Variants in CLPTM1 observed in about 807,000 individuals in gnomAD.
CLPTM1 encodes the protein CLPTM1 regulator of GABA type A receptor forward trafficking.
A neutral mutation model predicts 77.3 loss-of-function variants in CLPTM1; 21 were observed. The ratio of observed to expected loss-of-function variants is 0.27; its 90% CI spans 0.19 to 0.39. CLPTM1 has a LOEUF of 0.39. Among genes scored for constraint, CLPTM1 ranks in the 10% least tolerant of loss-of-function variants. CLPTM1 has a pLI of 1.00. For missense variants in CLPTM1, 642 were observed against 921.2 expected (o/e 0.70, Z 3.92); for synonymous variants, 373 against 381.0 (o/e 0.98, Z 0.24).
upstream of CLPTM1, chr19:44,955,022 G>C (rs1970435135): frequency 2.0e-6 from 3 of 1,535,728 alleles, no homozygotes; most frequent in Non-Finnish European, 2.6e-6. Context: ...GGAACGAAAA[G>C]GACGCGAAGA....
intron 4 of CLPTM1, among the ~76,000 whole-genome samples, chr19:44,976,511 G>A (rs1312126720): frequency 6.6e-6 from 1 of 152,214 alleles, no homozygotes; most frequent in Non-Finnish European, 1.5e-5. Flanking sequence ...AAGATAGGGA[G>A]AGTGAGGAGA....
intron 2 of CLPTM1, among the ~76,000 whole-genome samples, chr19:44,966,507 AGTT>A (rs1358393443): frequency 6.6e-6 from 1 of 152,164 alleles, no homozygotes; most frequent in Non-Finnish European, 1.5e-5. Context: ...TCACAGATAG[AGTT>A]GTTTAAAATA....
chr19:44,993,326 GT>G lies in CLPTM1; in HGVS notation c.*432del, dbSNP rs1971117383. Reference sequence around the variant, plus strand: ...CTGGATTTAATAAATTCATATGGGTGTTTAACTTAAACTCAGCACTGCCCCT... The same window carrying G: ...CTGGATTTAATAAATTCATATGGGTGTTAACTTAAACTCAGCACTGCCCCT... On this transcript the variant is annotated 3_prime_UTR_variant, in exon 14 of 14. Transcript: ENST00000337392. 2.7e-6 allele frequency: 1 copy of G among 372,732 alleles called. No homozygotes were observed. The highest frequency in any genetic ancestry group is 2.1e-5 in the African/African-American group (1 of 47,338). The allele number at this position is 372,732 out of a possible 1,614,324, so 23.1% of individuals were successfully genotyped here. A position where few individuals can be genotyped will look rare whatever the true frequency, so the allele number is the denominator to read the frequency against.
At chr19:44,955,342 G>A (rs1970442510), upstream of CLPTM1, 11 of 1,208,794 alleles carry the variant, frequency 9.1e-6, no homozygotes, top group Middle Eastern at 3.4e-4. Flanking sequence ...ATTGCGCTGC[G>A]AAGTCGGGGA....
intron 5 of CLPTM1, among the ~76,000 whole-genome samples, chr19:44,984,999 AT>A (rs1449827998): frequency 6.6e-6 from 1 of 152,116 alleles, no homozygotes; most frequent in Admixed American, 6.6e-5. Context: ...TGCCTGGGGC[AT>A]TTGGTGATGG....
At chr19:44,987,919 C>T (rs368661297) in intron 8 of CLPTM1, 161 bp from the exon 9 acceptor site, 24 of 662,110 alleles carry the variant, frequency 3.6e-5, no homozygotes, top group Middle Eastern at 4.1e-4. Context: ...GTGAGTCACC[C>T]TCCTCTCTCT....
chr19:44,992,478 G>A lies in CLPTM1; in HGVS notation c.1723+78G>A. ...GTCTTTAGGGCCCAGGCCTGAGGGG[G>A]TGCCACGGCCCCAGATGGGGTGCTC... On this transcript the variant is annotated intron_variant, in intron 13 of 13. Coordinates refer to ENST00000337392, the MANE Select transcript of CLPTM1 (RefSeq NM_001294.4). The surrounding 1 kb of genome is among the most constrained non-coding windows in gnomAD (Gnocchi z 7.7). The A allele has an allele frequency of 1.3e-6, 2 of 1,594,604 alleles. No individual in the cohort carries two copies. The highest frequency in any genetic ancestry group is 1.7e-6 in the Non-Finnish European group (2 of 1,165,874).
At chr19:44,966,759 A>G (rs1389283305) in intron 2 of CLPTM1, among the ~76,000 whole-genome samples, 3 of 152,040 alleles carry the variant, frequency 2.0e-5, no homozygotes, top group Non-Finnish European at 4.4e-5. Context: ...GCACACAGAC[A>G]ATGTTGGCCA....
chr19:44,975,626 G>T (rs904094296), intron 4 of CLPTM1, among the ~76,000 whole-genome samples: 1 of 151,818 alleles, frequency 6.6e-6, no homozygotes, highest in Non-Finnish European at 1.5e-5. Flanking sequence ...GGGCAGTGGC[G>T]CAACCTTGGC....
At chr19:44,978,424 T>C (rs1268590160) in intron 5 of CLPTM1, among the ~76,000 whole-genome samples, 1 of 125,974 alleles carries the variant, frequency 7.9e-6, no homozygotes, top group Admixed American at 7.8e-5. Flanking sequence ...AAAAAAAAAA[T>C]AGATAAAATT....
At chr19:44,988,208 T>C (rs1600046042) in intron 9 of CLPTM1, 35 bp downstream of exon 9, 1 of 1,500,984 alleles carries the variant, frequency 6.7e-7, no homozygotes, top group South Asian at 1.1e-5. Flanking sequence ...TGAGAGGCTG[T>C]GCAGGGTGGG....
intron 5 of CLPTM1, among the ~76,000 whole-genome samples, chr19:44,983,642 A>G (rs968338314): frequency 2.0e-5 from 3 of 148,368 alleles, no homozygotes; most frequent in Non-Finnish European, 3.0e-5. Flanking sequence ...AAAAAAAAAA[A>G]AAAGAAAAGA....
chr19:44,970,172 C>T (rs1970695847), intron 2 of CLPTM1, among the ~76,000 whole-genome samples: 1 of 147,446 alleles, frequency 6.8e-6, no homozygotes, highest in African/African-American at 2.6e-5. Context: ...TTACCAAGTC[C>T]TAGGTTTCCT....
chr19:44,970,486 A>G (rs1335928494), intron 2 of CLPTM1, among the ~76,000 whole-genome samples: 2 of 138,028 alleles, frequency 1.4e-5, no homozygotes, highest in East Asian at 2.1e-4. Context: ...TGCAGCCTCG[A>G]CCTCCTGGGC....
At chr19:44,981,419 G>A (rs1003915585) in intron 5 of CLPTM1, among the ~76,000 whole-genome samples, 1 of 152,066 alleles carries the variant, frequency 6.6e-6, no homozygotes, top group South Asian at 2.1e-4. Flanking sequence ...GGGATTACAG[G>A]CGTGAGCCAA....
chr19:44,985,156 C>A, intron 5 of CLPTM1, 62 bp from the exon 6 acceptor site: 1 of 1,234,796 alleles, frequency 8.1e-7, no homozygotes, highest in Non-Finnish European at 1.2e-6. Context: ...GGGGTCCGGG[C>A]TCTGGAGGCT....
rs561345386 is a variant in CLPTM1, at chr19:44,992,747, C to T, written c.1860C>T (p.Ala620=). Residue 620 remains alanine, a synonymous_variant, in exon 14 of 14, where the codon GCC becomes GCT. Coordinates refer to ENST00000337392, the MANE Select transcript of CLPTM1 (RefSeq NM_001294.4). This position sits in a 1 kb window ranked among gnomAD's most constrained non-coding sequence, Gnocchi z 7.7. ...PVAEVPTAAG[A]LTPTPAPTTT... ...CCGAGGTTCCCACAGCAGCAGGGGC[C>T]CTCACGCCCACACCTGCACCCACCA... 1.9e-6 allele frequency: 3 copies of T among 1,612,846 alleles called. No homozygotes were observed. The Admixed American group carries it at 5.0e-5, about 27-fold the overall frequency.
Position 44,991,606 on chromosome 19 carries a change from AC to A in CLPTM1, c.1555+234del, listed in dbSNP as rs1276022334. On this transcript the variant is annotated intron_variant, in intron 12 of 13. Transcript: ENST00000337392. This position sits in a 1 kb window ranked among gnomAD's most constrained non-coding sequence, Gnocchi z 5.4. ...CTCAGGGGGCCTTTGTGTCTTGGGAACAAGTAAACAAGTAGGGCCAGGTGCA... is the reference window on the plus strand; with the variant it reads ...CTCAGGGGGCCTTTGTGTCTTGGGAAAAGTAAACAAGTAGGGCCAGGTGCA... Among the ~76,000 whole-genome samples the A allele has an allele frequency of 6.6e-6, 1 of 152,170 alleles. No individual in the cohort carries two copies. Among genetic ancestry groups the A allele is most frequent in the Non-Finnish European group, 1.5e-5 (1 of 68,006 alleles).
chr19:44,975,559 T>G (rs934427), intron 4 of CLPTM1, among the ~76,000 whole-genome samples: 43,152 of 151,898 alleles, frequency 0.28, 6,477 homozygotes, highest in East Asian at 0.47. Flanking sequence ...TTCTGGTTTT[T>G]TTTTTTGTTT....
Sources: gnomAD v4.1 joint callset for allele counts (sites outside exome capture counted in the v4.1 genomes callset) on GRCh38, gnomAD v4.1.1 for gene constraint, Gnocchi (gnomAD v3.1) non-coding constraint, MANE v1.5 for transcripts, NCBI Gene and HGNC (gene_info 2026-07-23, HGNC 2026-07-21) for gene names.